Variants in RASGRF1 observed in about 807,000 individuals in gnomAD.
The protein encoded by RASGRF1 is Ras protein specific guanine nucleotide releasing factor 1.
RASGRF1 carries 40 observed loss-of-function variants against 138.7 expected under a neutral mutation model. The observed-to-expected ratio is 0.29, with a 90% CI of 0.22 to 0.38. The LOEUF (loss-of-function observed/expected upper bound fraction) is 0.38. RASGRF1 is among the 10% of genes least tolerant of loss of function. The pLI is 1.00. For missense variants in RASGRF1, 1,108 were observed against 1,650.4 expected (o/e 0.67, Z 5.69); for synonymous variants, 614 against 663.2 (o/e 0.93, Z 1.14).
In RASGRF1 at chr15:79,025,304, T is replaced by C. The variant is rs1426724631; in HGVS notation, c.1542+10A>G. Reference sequence around the variant, plus strand: ...GGGCAGCCCCCAAGCCCCTCTCCCGTAGCCCTTACCTTGGTCAAGTGAAGC... The same window carrying C: ...GGGCAGCCCCCAAGCCCCTCTCCCGCAGCCCTTACCTTGGTCAAGTGAAGC... On this transcript the variant is annotated intron_variant, in intron 10 of 26. Coordinates refer to ENST00000558480, the MANE Select transcript of RASGRF1 (RefSeq NM_001145648.3). The C allele has an allele frequency of 6.3e-7, 1 of 1,598,128 alleles. No individual in the cohort carries two copies. Among genetic ancestry groups the C allele is most frequent in the South Asian group, 1.1e-5 (1 of 89,404 alleles).
chr15:79,064,405 G>A lies in RASGRF1; in HGVS notation c.383+15C>T, dbSNP rs139413344. 3.7e-6 allele frequency: 6 copies of A among 1,611,076 alleles called. No individual in the cohort carries two copies. Among genetic ancestry groups the A allele is most frequent in the East Asian group, 4.5e-5 (2 of 44,868 alleles). ...TGTGGAGTAGGGGCTTCCTGCCCTG[G>A]GCAAGGAGACATACCTGGCATGTGC... On this transcript the variant is annotated intron_variant, in intron 2 of 26. Coordinates refer to ENST00000558480, the MANE Select transcript of RASGRF1 (RefSeq NM_001145648.3).
chr15:78,990,417 G>A (rs1246822208), intron 21 of RASGRF1, 144 bp from the exon 22 acceptor site: 2 of 625,668 alleles, frequency 3.2e-6, no homozygotes, highest in Non-Finnish European at 5.6e-6. Context: ...CTGGAAGGAA[G>A]GAACCTTGGG....
intron 15 of RASGRF1, among the ~76,000 whole-genome samples, chr15:79,003,168 T>G (rs2056578339): frequency 6.6e-6 from 1 of 152,228 alleles, no homozygotes; most frequent in African/African-American, 2.4e-5. Context: ...ACAAGGCCTT[T>G]TCTTGCTCCT....
In RASGRF1 at chr15:79,073,404, A is replaced by C. The variant is rs2057788057; in HGVS notation, c.277-8878T>G. Among the ~76,000 whole-genome samples the C allele has an allele frequency of 6.6e-6, 1 of 152,118 alleles. No individual in the cohort carries two copies. The stretch of plus-strand genomic sequence containing the variant: ...GCTCCCCAAACTGCCCCAACAGGGA[A>C]GTGAGGCGGGGAGTTTGCCTTAGGA... On this transcript the variant is annotated intron_variant, in intron 1 of 26. Transcript: ENST00000558480. The surrounding 1 kb of genome is among the most constrained non-coding windows in gnomAD (Gnocchi z 4.2).
At chr15:78,996,292 G>A (rs11632207) in intron 19 of RASGRF1, among the ~76,000 whole-genome samples, 22,056 of 152,170 alleles carry the variant, frequency 0.14, 1,657 homozygotes, top group Admixed American at 0.16. Flanking sequence ...CACACGGTGG[G>A]GAATGAGGGT....
At chr15:79,049,420 G>A (rs2057399165) in intron 4 of RASGRF1, 76 bp downstream of exon 4, 2 of 1,391,602 alleles carry the variant, frequency 1.4e-6, no homozygotes, top group Admixed American at 1.9e-5. Context: ...GGGCTGTGGT[G>A]TGGATACTGC....
At chr15:79,033,962 C>G (rs1398177933) in intron 6 of RASGRF1, among the ~76,000 whole-genome samples, 1 of 152,226 alleles carries the variant, frequency 6.6e-6, no homozygotes, top group Non-Finnish European at 1.5e-5. Flanking sequence ...GAGGGTAGCT[C>G]ATGTGATGGG....
chr15:79,089,611 G>A (rs757682207), intron 1 of RASGRF1, among the ~76,000 whole-genome samples: 3 of 152,200 alleles, frequency 2.0e-5, no homozygotes, highest in Non-Finnish European at 2.9e-5. Flanking sequence ...TGGGCTTGTT[G>A]CTCCGGCGGC....
At chr15:79,062,335 C>T (rs1376165939) in intron 2 of RASGRF1, among the ~76,000 whole-genome samples, 2 of 152,206 alleles carry the variant, frequency 1.3e-5, no homozygotes, top group African/African-American at 4.8e-5. Flanking sequence ...GGTTCTTCCT[C>T]ACTCAGTTTT....
chr15:79,071,628 C>T (rs1442128093), intron 1 of RASGRF1, among the ~76,000 whole-genome samples: 1 of 152,094 alleles, frequency 6.6e-6, no homozygotes, highest in Non-Finnish European at 1.5e-5. Flanking sequence ...CCTTGGCCTC[C>T]CAAAGTACTG....
At chr15:79,002,037 C>T (rs2056541066) in intron 15 of RASGRF1, among the ~76,000 whole-genome samples, 2 of 152,198 alleles carry the variant, frequency 1.3e-5, no homozygotes, top group Admixed American at 1.3e-4. Context: ...ACCAGACACA[C>T]CTGGGGATCT....
At chr15:79,013,650 A>G (rs1477351677) in intron 13 of RASGRF1, among the ~76,000 whole-genome samples, 1 of 152,228 alleles carries the variant, frequency 6.6e-6, no homozygotes, top group African/African-American at 2.4e-5. Flanking sequence ...CAGATGAGCA[A>G]GGCAGGCTCA....
chr15:78,984,349 C>A (rs1211423488), intron 23 of RASGRF1: 1 of 153,352 alleles, frequency 6.5e-6, no homozygotes, highest in Non-Finnish European at 1.5e-5. Flanking sequence ...GCCTCATTGT[C>A]CTCTCCTATA....
At chr15:78,978,215 CTTTTGTTTTTT>C (rs1256762161) in intron 24 of RASGRF1, among the ~76,000 whole-genome samples, 1,532 of 79,278 alleles carry the variant, frequency 0.019, 40 homozygotes, top group African/African-American at 0.075. Flanking sequence ...TTTTTCTTTT[CTTTTGTTTTTT>C]TTTTTTTTTT....
At chr15:79,056,153 A>G (rs757646197) in intron 3 of RASGRF1, among the ~76,000 whole-genome samples, 2 of 152,202 alleles carry the variant, frequency 1.3e-5, no homozygotes, top group Non-Finnish European at 2.9e-5. Context: ...AAACAGAAGC[A>G]CCAGCATGTG....
intron 24 of RASGRF1, among the ~76,000 whole-genome samples, chr15:78,977,517 T>C (rs1225769437): frequency 2.6e-5 from 4 of 152,062 alleles, no homozygotes; most frequent in Non-Finnish European, 5.9e-5. Flanking sequence ...AGAATAAAGA[T>C]AGAGATAGAT....
intron 18 of RASGRF1, among the ~76,000 whole-genome samples, 186 bp downstream of exon 18, chr15:78,998,533 C>T (rs1329886717): frequency 6.6e-6 from 1 of 152,200 alleles, no homozygotes; most frequent in East Asian, 1.9e-4. Context: ...GTCCTTTGTT[C>T]CCTCCTAGGG....
intron 26 of RASGRF1, among the ~76,000 whole-genome samples, chr15:78,971,158 G>A (rs1198349874): frequency 1.3e-5 from 2 of 152,192 alleles, no homozygotes; most frequent in Non-Finnish European, 2.9e-5. Flanking sequence ...GGCCCTCAGA[G>A]CAGCACAGAC....
At chr15:79,025,194 G>C in intron 10 of RASGRF1, 120 bp downstream of exon 10, 1 of 1,150,538 alleles carries the variant, frequency 8.7e-7, no homozygotes. Context: ...CTGTGTGTGT[G>C]TGCATGCACA....
Sources: gnomAD v4.1 joint callset for allele counts (sites outside exome capture counted in the v4.1 genomes callset) on GRCh38, gnomAD v4.1.1 for gene constraint, Gnocchi (gnomAD v3.1) non-coding constraint, MANE v1.5 for transcripts, NCBI Gene and HGNC (gene_info 2026-07-23, HGNC 2026-07-21) for gene names.